The following RCOR1 variants were observed in gnomAD, a reference collection of about 807,000 sequenced individuals.
RCOR1 encodes the protein REST corepressor.
RCOR1 carries 12 observed loss-of-function variants against 64.0 expected under a neutral mutation model. The observed-to-expected ratio is 0.19, with a 90% CI of 0.12 to 0.30. RCOR1 has a LOEUF of 0.30. Among genes scored for constraint, RCOR1 ranks in the 10% least tolerant of loss-of-function variants. The pLI is 1.00. For missense variants in RCOR1, 502 were observed against 621.2 expected, an observed-to-expected ratio of 0.81 and a Z score of 2.04; for synonymous variants, 279 against 227.2, an observed-to-expected ratio of 1.23 and a Z score of -2.05.
At chr14:102,676,321 C>T (rs1228607853) in intron 2 of RCOR1, among the ~76,000 whole-genome samples, 3 of 143,248 alleles carry the variant, frequency 2.1e-5, no homozygotes, top group East Asian at 2.1e-4. Flanking sequence ...CCGGATGGGG[C>T]GGCTGGCCGG....
intron 3 of RCOR1, among the ~76,000 whole-genome samples, chr14:102,692,683 T>C (rs1210189417): frequency 6.6e-6 from 1 of 151,710 alleles, no homozygotes; most frequent in Non-Finnish European, 1.5e-5. Flanking sequence ...TATCACATCT[T>C]GTAGCATACT....
At chr14:102,641,307 A>C (rs895972231) in intron 2 of RCOR1, among the ~76,000 whole-genome samples, 1 of 151,890 alleles carries the variant, frequency 6.6e-6, no homozygotes, top group Non-Finnish European at 1.5e-5. Context: ...AATAATAAAT[A>C]ATATTTATGC....
chr14:102,632,832 A>C (rs575780260), intron 2 of RCOR1, among the ~76,000 whole-genome samples: 1 of 134,524 alleles, frequency 7.4e-6, no homozygotes, highest in African/African-American at 2.8e-5. Flanking sequence ...CTTTTTTTTG[A>C]GACAGGATCT....
At chr14:102,675,508 G>A (rs758798569) in intron 2 of RCOR1, among the ~76,000 whole-genome samples, 3 of 152,170 alleles carry the variant, frequency 2.0e-5, no homozygotes, top group East Asian at 1.9e-4. Context: ...CAAATGCTGC[G>A]ATGCTATGAC....
chr14:102,721,051 T>C lies in RCOR1; in HGVS notation c.1098T>C (p.Leu366=), dbSNP rs149540664. ...CAAACAGTGCTCTCAAAGAAAAACT[T>C]GATGGTGGAATAGAACCATATCGAC... The part of the protein sequence containing the change: ...KQTNSALKEK[L]DGGIEPYRLP... The change falls in exon 9 of 12, where the codon CTT becomes CTC. Residue 366 remains leucine (L), a synonymous_variant. Coordinates refer to ENST00000262241, the MANE Select transcript of RCOR1 (RefSeq NM_015156.4). 111 of 1,581,392 alleles carry C rather than the reference T, an allele frequency of 7.0e-5. 1 individual carries two copies. The East Asian group carries it at 2.5e-3, about 36-fold the overall frequency.
chr14:102,694,581 T>C (rs930397601), intron 3 of RCOR1, among the ~76,000 whole-genome samples: 3 of 152,120 alleles, frequency 2.0e-5, no homozygotes, highest in African/African-American at 7.2e-5. Context: ...GGCCAAGAAA[T>C]AGCATTTTTA....
chr14:102,718,771 G>A (rs1388671634), intron 8 of RCOR1, among the ~76,000 whole-genome samples: 1 of 152,068 alleles, frequency 6.6e-6, no homozygotes, highest in Middle Eastern at 3.2e-3. Context: ...AACACTAGAT[G>A]TTTGGCGGGG....
intron 3 of RCOR1, among the ~76,000 whole-genome samples, chr14:102,699,828 C>T (rs1895720912): frequency 6.6e-6 from 1 of 151,608 alleles, no homozygotes; most frequent in Non-Finnish European, 1.5e-5. Context: ...GAACATATGG[C>T]AGTGCTATTG....
intron 2 of RCOR1, among the ~76,000 whole-genome samples, chr14:102,677,365 G>C (rs1178521121): frequency 5.6e-5 from 8 of 143,184 alleles, no homozygotes; most frequent in Non-Finnish European, 1.1e-4. Flanking sequence ...CCTCCCGGAC[G>C]GGGTGGCTGC....
intron 2 of RCOR1, among the ~76,000 whole-genome samples, chr14:102,635,087 G>T (rs938861566): frequency 6.6e-6 from 1 of 151,914 alleles, no homozygotes; most frequent in African/African-American, 2.4e-5. Flanking sequence ...TCCTGCCTTG[G>T]CCTCCTAAAG....
Position 102,673,867 on chromosome 14 carries a change from C to T in RCOR1, c.362-8028C>T, listed in dbSNP as rs144396471. 1.5e-3 allele frequency among the ~76,000 whole-genome samples: 233 copies of T among 151,868 alleles called. 4 individuals carry two copies. In the East Asian group the frequency reaches 0.037, roughly 24 times the overall value. Reference sequence around the variant, plus strand: ...CGACTTCAGGTGATCCGCCCGCCGCCGCCTCGCCAAGTGCTGGGATTACAG... The same window carrying T: ...CGACTTCAGGTGATCCGCCCGCCGCTGCCTCGCCAAGTGCTGGGATTACAG... On this transcript the variant is annotated intron_variant, in intron 2 of 11. Transcript: ENST00000262241.
At chr14:102,605,149 T>C (rs2139883930) in intron 2 of RCOR1, among the ~76,000 whole-genome samples, 1 of 151,604 alleles carries the variant, frequency 6.6e-6, no homozygotes, top group East Asian at 1.9e-4. Flanking sequence ...GTTGTTTCCA[T>C]GTGGCCCCAG....
chr14:102,665,128 C>T (rs1894892715), intron 2 of RCOR1, among the ~76,000 whole-genome samples: 1 of 152,060 alleles, frequency 6.6e-6, no homozygotes. Flanking sequence ...GCCTCAGCCT[C>T]CCGAGTAGCT....
intron 2 of RCOR1, among the ~76,000 whole-genome samples, chr14:102,653,227 T>C (rs898245592): frequency 2.6e-5 from 4 of 152,046 alleles, no homozygotes; most frequent in Non-Finnish European, 4.4e-5. Context: ...CAGCCTATTA[T>C]TATTTTTTAA....
At chr14:102,709,968 A>C (rs1166736350) in intron 6 of RCOR1, among the ~76,000 whole-genome samples, 1 of 152,050 alleles carries the variant, frequency 6.6e-6, no homozygotes, top group Non-Finnish European at 1.5e-5. Flanking sequence ...TCCACCTCCC[A>C]TGTGCACCTC....
At chr14:102,641,233 G>A (rs1340735949) in intron 2 of RCOR1, among the ~76,000 whole-genome samples, 1 of 151,596 alleles carries the variant, frequency 6.6e-6, no homozygotes, top group African/African-American at 2.4e-5. Context: ...CCAGCCTTGC[G>A]GCAGAGTGAG....
chr14:102,673,512 T>C (rs1228048042), intron 2 of RCOR1, among the ~76,000 whole-genome samples: 3 of 151,818 alleles, frequency 2.0e-5, no homozygotes, highest in African/African-American at 7.3e-5. Context: ...AATTTTTGTA[T>C]TTTTAGTAGA....
intron 8 of RCOR1, among the ~76,000 whole-genome samples, chr14:102,718,919 G>A (rs1896121803): frequency 6.6e-6 from 1 of 152,042 alleles, no homozygotes; most frequent in Non-Finnish European, 1.5e-5. Flanking sequence ...CCCCTAAGTA[G>A]GTAGGACTGC....
intron 2 of RCOR1, among the ~76,000 whole-genome samples, chr14:102,618,452 GAAA>G (rs1053460893): frequency 6.7e-6 from 1 of 150,220 alleles, no homozygotes; most frequent in African/African-American, 2.4e-5. Context: ...TCTTCAGGGG[GAAA>G]AAAAAAGCGC....
Sources: allele counts gnomAD v4.1 joint callset (sites outside exome capture counted in the v4.1 genomes callset), GRCh38; gene constraint gnomAD v4.1.1; transcripts MANE v1.5; gene names NCBI Gene and HGNC (gene_info 2026-07-23, HGNC 2026-07-21).